Variants in NRG3 observed in about 807,000 individuals in gnomAD.
NRG3 encodes pro-neuregulin-3, membrane-bound isoform.
Under a neutral mutation model 66.9 loss-of-function variants are expected in NRG3, and 31 were observed. That is an observed-to-expected ratio of 0.46 (90% CI 0.35 to 0.63). The LOEUF (loss-of-function observed/expected upper bound fraction) is 0.63. Among genes scored for constraint, NRG3 ranks in the 20% least tolerant of loss-of-function variants. The pLI is 0.00. For missense variants in NRG3, 910 were observed against 878.9 expected, an observed-to-expected ratio of 1.04 and a Z score of -0.45; for synonymous variants, 393 against 359.4, an observed-to-expected ratio of 1.09 and a Z score of -1.06.
chr10:81,916,819 TGC>T (rs1845757576), intron 1 of NRG3, among the ~76,000 whole-genome samples: 1 of 152,206 alleles, frequency 6.6e-6, no homozygotes, highest in Admixed American at 6.5e-5. Context: ...ACTGCCTTTC[TGC>T]CAGGTGCCAA....
intron 1 of NRG3, among the ~76,000 whole-genome samples, chr10:82,178,993 G>A (rs1332956660): frequency 6.6e-6 from 1 of 151,958 alleles, no homozygotes; most frequent in East Asian, 1.9e-4. Context: ...GATGATCAAT[G>A]ATATTGAAAA....
intron 2 of NRG3, among the ~76,000 whole-genome samples, chr10:82,695,179 C>A (rs905612977): frequency 6.6e-6 from 1 of 152,052 alleles, no homozygotes; most frequent in Admixed American, 6.6e-5. Context: ...AATTTAAAAT[C>A]AGAATTTATG....
intron 1 of NRG3, among the ~76,000 whole-genome samples, chr10:82,327,537 C>T (rs115959459): frequency 0.02 from 3,073 of 152,182 alleles, 102 homozygotes; most frequent in African/African-American, 0.07. Flanking sequence ...TTTACTTCAG[C>T]GGAGGCAGAG....
intron 1 of NRG3, among the ~76,000 whole-genome samples, chr10:81,917,831 G>A (rs1296370857): frequency 1.3e-5 from 2 of 152,174 alleles, no homozygotes; most frequent in African/African-American, 4.8e-5. Flanking sequence ...ATTGGGCACT[G>A]CAGGAATCAT....
chr10:81,961,125 T>A (rs2133275626), intron 1 of NRG3, among the ~76,000 whole-genome samples: 1 of 152,272 alleles, frequency 6.6e-6, no homozygotes, highest in Middle Eastern at 3.4e-3. Context: ...GAAGGAGGTG[T>A]GACTTGGGTT....
intron 2 of NRG3, among the ~76,000 whole-genome samples, chr10:82,689,017 C>T (rs140592619): frequency 6.6e-6 from 1 of 152,020 alleles, no homozygotes; most frequent in Admixed American, 6.6e-5. Flanking sequence ...TTTTCCTTAG[C>T]AGAAAAAATG....
intron 4 of NRG3, among the ~76,000 whole-genome samples, chr10:82,902,940 A>G (rs945956062): frequency 6.6e-6 from 1 of 152,114 alleles, no homozygotes; most frequent in Non-Finnish European, 1.5e-5. Flanking sequence ...TTCACAGGTG[A>G]ACTGTGTAGC....
chr10:82,413,176 T>C (rs1223985717), intron 2 of NRG3, among the ~76,000 whole-genome samples: 1 of 152,202 alleles, frequency 6.6e-6, no homozygotes, highest in African/African-American at 2.4e-5. Flanking sequence ...TCACTATCTA[T>C]GGCACCTAGG....
chr10:81,957,261 G>A (rs1381497516), intron 1 of NRG3, among the ~76,000 whole-genome samples: 1 of 152,122 alleles, frequency 6.6e-6, no homozygotes, highest in Non-Finnish European at 1.5e-5. Context: ...AACTTAGGGT[G>A]TTGTTAGGCT....
intron 1 of NRG3, among the ~76,000 whole-genome samples, chr10:81,981,916 G>A (rs2060345834): frequency 6.6e-6 from 1 of 152,134 alleles, no homozygotes; most frequent in South Asian, 2.1e-4. Flanking sequence ...CTTCTGCTGA[G>A]ATAAGTGATT....
intron 1 of NRG3, among the ~76,000 whole-genome samples, chr10:82,001,293 A>G (rs1279118448): frequency 1.3e-5 from 2 of 152,080 alleles, no homozygotes; most frequent in Admixed American, 1.3e-4. Flanking sequence ...GCTCGAGGTC[A>G]GGAGTTTGAG....
chr10:82,894,117 A>G (rs1388460877), intron 4 of NRG3, among the ~76,000 whole-genome samples: 3 of 152,230 alleles, frequency 2.0e-5, no homozygotes, highest in African/African-American at 7.2e-5. Flanking sequence ...TTTTAAATGC[A>G]TGGCATAACC....
At chr10:82,166,847 A>C (rs1487863964) in intron 1 of NRG3, 1 of 654,414 alleles carries the variant, frequency 1.5e-6, no homozygotes, top group Non-Finnish European at 2.8e-6. Context: ...AACAGTCTTT[A>C]TTTATCTTCA....
intron 1 of NRG3, among the ~76,000 whole-genome samples, chr10:82,146,774 G>A (rs755060252): frequency 6.6e-6 from 1 of 152,144 alleles, no homozygotes; most frequent in Non-Finnish European, 1.5e-5. Flanking sequence ...CAGATGGGTA[G>A]CCCCAGGGCT....
At chr10:81,955,955 T>A (rs73306548) in intron 1 of NRG3, among the ~76,000 whole-genome samples, 2,126 of 152,296 alleles carry the variant, frequency 0.014, 58 homozygotes, top group African/African-American at 0.049. Context: ...AATCTGATCA[T>A]CACCTGGTGT....
chr10:82,236,710 C>CTTTTTTT (rs370359467), intron 1 of NRG3, among the ~76,000 whole-genome samples: 12 of 93,504 alleles, frequency 1.3e-4, no homozygotes, highest in Non-Finnish European at 1.7e-4. Context: ...AAAACTAGAA[C>CTTTTTTT]TTTTTTTTTT....
chr10:82,616,982 G>A (rs1297981822), intron 2 of NRG3, among the ~76,000 whole-genome samples: 2 of 152,192 alleles, frequency 1.3e-5, no homozygotes, highest in African/African-American at 4.8e-5. Flanking sequence ...TCTTTGGTTT[G>A]TTAAATTGAA....
intron 1 of NRG3, among the ~76,000 whole-genome samples, chr10:81,876,498 T>C (rs890042821): frequency 6.6e-6 from 1 of 152,040 alleles, no homozygotes; most frequent in African/African-American, 2.4e-5. Context: ...GCTGGCGAGC[T>C]GCCGGATCCC....
rs148205578 is a variant in NRG3, at chr10:82,294,088, C to T, written c.824-64651C>T. Among the ~76,000 whole-genome samples the T allele has an allele frequency of 1.3e-3, 196 of 152,224 alleles. 7 individuals carry two copies. The East Asian group carries it at 0.035, about 27-fold the overall frequency. Reference sequence around the variant, plus strand: ...TGAGAAGTATCCCATCCTATGCTCTCCCTCAGCTCTAAGGGATTTACTCAA... The same window carrying T: ...TGAGAAGTATCCCATCCTATGCTCTTCCTCAGCTCTAAGGGATTTACTCAA... On this transcript the variant is annotated intron_variant, in intron 1 of 8. Coordinates refer to ENST00000372141, the MANE Select transcript of NRG3 (RefSeq NM_001010848.4).
Sources: gnomAD v4.1 joint callset for allele counts (sites outside exome capture counted in the v4.1 genomes callset) on GRCh38, gnomAD v4.1.1 for gene constraint, MANE v1.5 for transcripts, NCBI Gene and HGNC (gene_info 2026-07-23, HGNC 2026-07-21) for gene names.